EFNA5: variants seen among roughly 807,000 people sequenced by gnomAD.
EFNA5 encodes ephrin-A5.
EFNA5 carries 5 observed loss-of-function variants against 22.9 expected under a neutral mutation model. The observed-to-expected ratio is 0.22, with a 90% CI of 0.11 to 0.46. The LOEUF is 0.46. Among genes scored for constraint, EFNA5 ranks in the 20% least tolerant of loss-of-function variants. The pLI, the probability that EFNA5 is intolerant of heterozygous loss-of-function variation, is 0.99. For synonymous variants in EFNA5, 113 were observed against 112.2 expected (o/e 1.01, Z -0.04); for missense variants, 237 against 293.3 (o/e 0.81, Z 1.40).
chr5:107,387,375 T>C (rs1342119373), intron 3 of EFNA5, 60 bp from the exon 4 acceptor site: 3 of 1,124,388 alleles, frequency 2.7e-6, no homozygotes, highest in African/African-American at 3.2e-5. Context: ...TAAACTCCCA[T>C]TTCTTTCTTT....
intron 1 of EFNA5, among the ~76,000 whole-genome samples, chr5:107,483,748 T>C (rs1247579011): frequency 2.0e-5 from 3 of 152,230 alleles, no homozygotes; most frequent in Non-Finnish European, 4.4e-5. Context: ...TCTAGATAAA[T>C]ATTTAGTTGC....
intron 2 of EFNA5, among the ~76,000 whole-genome samples, chr5:107,391,699 G>A (rs1747799373): frequency 6.6e-6 from 1 of 152,116 alleles, no homozygotes; most frequent in Admixed American, 6.6e-5. Context: ...TAGGGATATG[G>A]GGACAATTAA....
intron 1 of EFNA5, among the ~76,000 whole-genome samples, chr5:107,475,452 T>C (rs569375107): frequency 1.2e-4 from 18 of 152,360 alleles, no homozygotes; most frequent in Non-Finnish European, 2.2e-4. Flanking sequence ...TGGTGGTTTA[T>C]ATGAACTTTT....
intron 1 of EFNA5, among the ~76,000 whole-genome samples, chr5:107,560,670 T>C (rs1748515650): frequency 6.6e-6 from 1 of 152,210 alleles, no homozygotes; most frequent in Admixed American, 6.5e-5. Context: ...AACGTTGTGG[T>C]TATCAGATTC....
At chr5:107,581,481 G>C (rs193091880) in intron 1 of EFNA5, among the ~76,000 whole-genome samples, 1 of 152,154 alleles carries the variant, frequency 6.6e-6, no homozygotes, top group African/African-American at 2.4e-5. Flanking sequence ...TCGAATATCT[G>C]ATTAAGCTGC....
At chr5:107,412,598 GA>G (rs376357617) in intron 2 of EFNA5, among the ~76,000 whole-genome samples, 2 of 151,792 alleles carry the variant, frequency 1.3e-5, no homozygotes, top group South Asian at 4.2e-4. Flanking sequence ...AGACTATAGG[GA>G]AAAAAAACCA....
At chr5:107,508,243 G>T (rs1160526458) in intron 1 of EFNA5, among the ~76,000 whole-genome samples, 1 of 152,130 alleles carries the variant, frequency 6.6e-6, no homozygotes, top group Admixed American at 6.6e-5. Context: ...TGGCTTCTTG[G>T]AACAGAACTG....
chr5:107,641,178 T>C (rs1750501803), intron 1 of EFNA5, among the ~76,000 whole-genome samples: 1 of 151,886 alleles, frequency 6.6e-6, no homozygotes, highest in Admixed American at 6.6e-5. Context: ...GGCAACATGG[T>C]GAAACCCATC....
chr5:107,502,862 G>A (rs556145197), intron 1 of EFNA5, among the ~76,000 whole-genome samples: 2 of 152,116 alleles, frequency 1.3e-5, no homozygotes, highest in Non-Finnish European at 2.9e-5. Flanking sequence ...ACTAATAGCA[G>A]CAGCACTCCA....
intron 1 of EFNA5, among the ~76,000 whole-genome samples, chr5:107,477,492 G>A (rs1304444756): frequency 6.6e-6 from 1 of 152,146 alleles, no homozygotes; most frequent in Non-Finnish European, 1.5e-5. Flanking sequence ...CTAGAAAATT[G>A]TCTACATTAA....
rs895973607 is a variant in EFNA5 at position 107,623,823 on chromosome 5, AAAG to A, written c.125+46663_125+46665del. On this transcript the variant is annotated intron_variant, in intron 1 of 4. Transcript: ENST00000333274. Reference sequence around the variant, plus strand: ...CTCCAGTCACCCAAAAAATGACAAGAAAGAAGTTTTGTGGTAAAGACTTATAGG... The same window carrying A: ...CTCCAGTCACCCAAAAAATGACAAGAAAGTTTTGTGGTAAAGACTTATAGG... Among the ~76,000 whole-genome samples the A allele has an allele frequency of 1.2e-4, 18 of 152,288 alleles. 1 individual carries two copies. In the South Asian group the frequency reaches 1.5e-3, roughly 12 times the overall value.
intron 1 of EFNA5, among the ~76,000 whole-genome samples, chr5:107,595,934 T>C (rs929415272): frequency 6.6e-6 from 1 of 152,148 alleles, no homozygotes; most frequent in Non-Finnish European, 1.5e-5. Flanking sequence ...AAAGAACACA[T>C]ATTCATAGCT....
At chr5:107,657,365 T>A (rs970057076) in intron 1 of EFNA5, among the ~76,000 whole-genome samples, 2 of 152,122 alleles carry the variant, frequency 1.3e-5, no homozygotes, top group African/African-American at 4.8e-5. Flanking sequence ...GGTTCTAGCA[T>A]TTCAGGATCT....
intron 1 of EFNA5, among the ~76,000 whole-genome samples, chr5:107,664,120 AC>A (rs1751022263): frequency 6.6e-6 from 1 of 152,142 alleles, no homozygotes; most frequent in South Asian, 2.1e-4. Context: ...AGCCTCAAAA[AC>A]AAGAATTTGC....
At chr5:107,449,943 T>C (rs1240969842) in intron 1 of EFNA5, among the ~76,000 whole-genome samples, 1 of 152,220 alleles carries the variant, frequency 6.6e-6, no homozygotes, top group Non-Finnish European at 1.5e-5. Flanking sequence ...ATTTCTTTTG[T>C]TTCTCTAACT....
intron 4 of EFNA5, among the ~76,000 whole-genome samples, chr5:107,385,576 A>C (rs1747592612): frequency 6.6e-6 from 1 of 152,168 alleles, no homozygotes; most frequent in Non-Finnish European, 1.5e-5. Flanking sequence ...CTACTTTGAT[A>C]CTAATGTTGG....
chr5:107,660,209 C>T (rs1359138543), intron 1 of EFNA5, among the ~76,000 whole-genome samples: 3 of 135,484 alleles, frequency 2.2e-5, no homozygotes, highest in Non-Finnish European at 3.1e-5. Context: ...GTTCTAGCAA[C>T]CACAGTGGGA....
At chr5:107,537,481 C>A (rs1243632565) in intron 1 of EFNA5, among the ~76,000 whole-genome samples, 1 of 152,158 alleles carries the variant, frequency 6.6e-6, no homozygotes, top group Non-Finnish European at 1.5e-5. Flanking sequence ...TGCCTGTAAT[C>A]CCAGCTACTT....
intron 1 of EFNA5, among the ~76,000 whole-genome samples, chr5:107,512,388 C>A (rs78772575): frequency 1.5e-4 from 19 of 130,920 alleles, no homozygotes; most frequent in African/African-American, 4.4e-4. Flanking sequence ...ACAACAACAA[C>A]AAAAAACACA....
Sources: allele counts gnomAD v4.1 joint callset (sites outside exome capture counted in the v4.1 genomes callset), GRCh38; gene constraint gnomAD v4.1.1; transcripts MANE v1.5; gene names NCBI Gene and HGNC (gene_info 2026-07-23, HGNC 2026-07-21).